The following CCSER1 variants were observed in gnomAD, a reference collection of about 807,000 sequenced individuals.
CCSER1 encodes the protein serine-rich coiled-coil domain-containing protein 1.
Under a neutral mutation model 82.0 loss-of-function variants are expected in CCSER1, and 41 were observed. The observed-to-expected ratio is 0.50, with a 90% CI of 0.39 to 0.65. The LOEUF (loss-of-function observed/expected upper bound fraction) is 0.65, where lower values mean the gene tolerates loss of function less well. Among genes scored for constraint, CCSER1 ranks in the 30% least tolerant of loss-of-function variants. The probability of loss-of-function intolerance (pLI) is 0.00; values close to 1 mark genes in which losing one functional copy is unlikely to be tolerated. For missense variants in CCSER1, 1,119 were observed against 1,064.2 expected (o/e 1.05, Z -0.72); for synonymous variants, 414 against 383.9 (o/e 1.08, Z -0.92).
intron 7 of CCSER1, chr4:90,782,104 A>G (rs955892408): frequency 5.1e-6 from 2 of 395,028 alleles, no homozygotes; most frequent in African/African-American, 4.4e-5. Flanking sequence ...AGGATAAGAA[A>G]AAATCCAGTC....
At chr4:90,364,346 G>A (rs928017933) in intron 3 of CCSER1, among the ~76,000 whole-genome samples, 1 of 151,910 alleles carries the variant, frequency 6.6e-6, no homozygotes, top group African/African-American at 2.4e-5. Flanking sequence ...ATTAAGTTCA[G>A]TGTCTTTAAA....
intron 10 of CCSER1, among the ~76,000 whole-genome samples, chr4:91,335,376 T>C (rs1747246732): frequency 6.6e-6 from 1 of 152,070 alleles, no homozygotes; most frequent in Non-Finnish European, 1.5e-5. Context: ...AAAGCTTACC[T>C]GTTCCAGGAA....
intron 4 of CCSER1, among the ~76,000 whole-genome samples, chr4:90,412,941 C>T (rs2153556126): frequency 6.7e-6 from 1 of 149,042 alleles, no homozygotes; most frequent in African/African-American, 2.5e-5. Context: ...AAAGAGCATC[C>T]AAATCAGTAA....
At chr4:90,763,846 C>G (rs189218119) in intron 7 of CCSER1, among the ~76,000 whole-genome samples, 1 of 152,142 alleles carries the variant, frequency 6.6e-6, no homozygotes, top group Non-Finnish European at 1.5e-5. Context: ...CACTTCTTCT[C>G]CTATCTACTT....
At chr4:90,164,012 T>G (rs536878080) in intron 1 of CCSER1, among the ~76,000 whole-genome samples, 3 of 152,290 alleles carry the variant, frequency 2.0e-5, no homozygotes, top group South Asian at 4.1e-4. Context: ...TCAGTTTTTA[T>G]AGCTGGGTGT....
intron 10 of CCSER1, among the ~76,000 whole-genome samples, chr4:91,195,394 C>G (rs1378954495): frequency 6.6e-6 from 1 of 152,122 alleles, no homozygotes; most frequent in South Asian, 2.1e-4. Context: ...TTAGAAACCA[C>G]AATGCTGGAT....
chr4:90,231,189 A>G (rs1385806077), intron 1 of CCSER1, among the ~76,000 whole-genome samples: 6 of 152,080 alleles, frequency 3.9e-5, no homozygotes. Context: ...TTTTAGACCA[A>G]TATCCTTGAT....
At chr4:90,296,014 C>A (rs974877164) in intron 1 of CCSER1, among the ~76,000 whole-genome samples, 1 of 151,664 alleles carries the variant, frequency 6.6e-6, no homozygotes, top group Admixed American at 6.6e-5. Flanking sequence ...TAAAAAAAAA[C>A]AACTGCTCTT....
At chr4:91,437,636 G>A (rs1754756334) in intron 10 of CCSER1, among the ~76,000 whole-genome samples, 1 of 152,228 alleles carries the variant, frequency 6.6e-6, no homozygotes, top group Non-Finnish European at 1.5e-5. Context: ...GCGCAGGACA[G>A]TGGGTGCAGC....
At chr4:91,385,373 C>A (rs2149343512) in intron 10 of CCSER1, among the ~76,000 whole-genome samples, 1 of 151,932 alleles carries the variant, frequency 6.6e-6, no homozygotes, top group South Asian at 2.1e-4. Context: ...TAACAATATG[C>A]ATATACCAAC....
At chr4:91,418,341 G>C (rs908291821) in intron 10 of CCSER1, among the ~76,000 whole-genome samples, 1 of 119,048 alleles carries the variant, frequency 8.4e-6, no homozygotes, top group Non-Finnish European at 1.8e-5. Context: ...ACTCCAGATA[G>C]GCTAACCAAG....
chr4:90,457,853 C>A (rs1762386321), intron 4 of CCSER1, among the ~76,000 whole-genome samples: 1 of 152,166 alleles, frequency 6.6e-6, no homozygotes, highest in African/African-American at 2.4e-5. Flanking sequence ...AGCCTATCTG[C>A]TTTCTGCCAT....
chr4:90,608,431 TA>T (rs945991606), intron 5 of CCSER1, among the ~76,000 whole-genome samples: 3 of 152,158 alleles, frequency 2.0e-5, no homozygotes, highest in African/African-American at 7.2e-5. Flanking sequence ...AAGTTATTTC[TA>T]AAAGATTATT....
intron 10 of CCSER1, among the ~76,000 whole-genome samples, chr4:91,122,695 C>G (rs143572517): frequency 6.6e-6 from 1 of 151,558 alleles, no homozygotes; most frequent in Non-Finnish European, 1.5e-5. Context: ...ACATTGAACT[C>G]ATTATGAAGA....
At chr4:91,104,244 A>AT (rs1725373904) in intron 10 of CCSER1, among the ~76,000 whole-genome samples, 1 of 152,010 alleles carries the variant, frequency 6.6e-6, no homozygotes. Context: ...TTGCTTTGTG[A>AT]TTTTTGTTGG....
intron 3 of CCSER1, among the ~76,000 whole-genome samples, chr4:90,318,626 T>C (rs1736583024): frequency 6.6e-6 from 1 of 152,216 alleles, no homozygotes; most frequent in Non-Finnish European, 1.5e-5. Context: ...TTTGGTATGT[T>C]GAACTGCAGA....
chr4:90,573,225 G>A (rs763183836), intron 5 of CCSER1, among the ~76,000 whole-genome samples: 220 of 152,246 alleles, frequency 1.4e-3, no homozygotes, highest in Admixed American at 2.4e-3. Context: ...GAAGCACAGT[G>A]CAGCTGCATC....
chr4:91,562,028 C>T (rs1762674305), intron 10 of CCSER1, among the ~76,000 whole-genome samples: 3 of 151,350 alleles, frequency 2.0e-5, no homozygotes, highest in Non-Finnish European at 4.4e-5. Flanking sequence ...TGAACTGGAT[C>T]TCATATACAT....
chr4:90,862,852 A>C (rs984201863), intron 8 of CCSER1, among the ~76,000 whole-genome samples: 4 of 149,508 alleles, frequency 2.7e-5, no homozygotes, highest in African/African-American at 7.4e-5. Flanking sequence ...AATAAACTTT[A>C]GGTTCAGAAA....
Sources: gnomAD v4.1 joint callset for allele counts (sites outside exome capture counted in the v4.1 genomes callset) on GRCh38, gnomAD v4.1.1 for gene constraint, MANE v1.5 for transcripts, NCBI Gene and HGNC (gene_info 2026-07-23, HGNC 2026-07-21) for gene names.